DOCK3: variants seen among roughly 807,000 people sequenced by gnomAD.
DOCK3 encodes the protein dedicator of cytokinesis 3.
DOCK3 carries 60 observed loss-of-function variants against 265.6 expected under a neutral mutation model. That is an observed-to-expected ratio of 0.23 (90% CI 0.18 to 0.28). The LOEUF (loss-of-function observed/expected upper bound fraction) is 0.28, where lower values mean the gene tolerates loss of function less well. DOCK3 is among the 10% of genes least tolerant of loss of function. The pLI is 1.00. For synonymous variants in DOCK3, 881 were observed against 938.0 expected, an observed-to-expected ratio of 0.94 and a Z score of 1.11; for missense variants, 1,981 against 2,594.3, an observed-to-expected ratio of 0.76 and a Z score of 5.14.
intron 1 of DOCK3, among the ~76,000 whole-genome samples, chr3:50,694,131 G>A (rs934296198): frequency 3.9e-5 from 6 of 152,046 alleles, no homozygotes; most frequent in Admixed American, 6.5e-5. Context: ...TTAGCCAGGC[G>A]TGGTGGCGGG....
chr3:51,250,285 A>G (rs1162411175), intron 22 of DOCK3, among the ~76,000 whole-genome samples: 1 of 40,566 alleles, frequency 2.5e-5, no homozygotes, highest in African/African-American at 7.9e-5. Flanking sequence ...AAAAAAAAAA[A>G]ATTAAAAAAA....
intron 5 of DOCK3, among the ~76,000 whole-genome samples, chr3:51,003,592 C>A (rs113051136): frequency 6.8e-4 from 104 of 152,260 alleles, no homozygotes; most frequent in African/African-American, 2.5e-3. Context: ...TTAACATTTT[C>A]CATAGTGGAG....
chr3:51,043,425 A>G (rs1488127628), intron 5 of DOCK3, among the ~76,000 whole-genome samples: 2 of 152,336 alleles, frequency 1.3e-5, no homozygotes, highest in South Asian at 2.1e-4. Flanking sequence ...TACCATATTC[A>G]AAAATTAACT....
intron 21 of DOCK3, 45 bp from the exon 22 acceptor site, chr3:51,246,681 A>G: frequency 1.9e-6 from 3 of 1,564,664 alleles, no homozygotes; most frequent in Non-Finnish European, 2.6e-6. Flanking sequence ...AAGCTGCATT[A>G]CTTTTGAATT....
Position 51,098,120 on chromosome 3 carries a change from G to A in DOCK3, c.746+7736G>A, listed in dbSNP as rs571529778. ...TGCCCAGACTGGAGTGCAGTGATGC[G>A]ATCTCAGCTCACTGTAACATCCGCC... On this transcript the variant is annotated intron_variant, in intron 9 of 52. Transcript: ENST00000266037. Among the ~76,000 whole-genome samples the A allele has an allele frequency of 5.6e-4, 85 of 152,262 alleles. No homozygotes were observed. The South Asian group carries it at 1.0e-2, about 18-fold the overall frequency.
intron 5 of DOCK3, among the ~76,000 whole-genome samples, chr3:50,949,055 C>G (rs1262161664): frequency 6.6e-6 from 1 of 151,970 alleles, no homozygotes; most frequent in Non-Finnish European, 1.5e-5. Flanking sequence ...AAAAATGAAC[C>G]CTGTTCCTTA....
chr3:51,164,018 G>C lies in DOCK3; in HGVS notation c.1037+3316G>C, dbSNP rs138780597. ...AGGCACATTATTTTTACTCCCACCA[G>C]ATTGGCTTTAATGCATCATTCTTTG... On this transcript the variant is annotated intron_variant, in intron 12 of 52. Transcript: ENST00000266037. 8.3e-4 allele frequency among the ~76,000 whole-genome samples: 127 copies of C among 152,210 alleles called. 1 individual carries two copies. Among genetic ancestry groups the C allele is most frequent in the African/African-American group, 2.9e-3 (119 of 41,508 alleles).
intron 1 of DOCK3, among the ~76,000 whole-genome samples, chr3:50,763,860 A>G (rs1032844867): frequency 6.6e-6 from 1 of 152,138 alleles, no homozygotes; most frequent in African/African-American, 2.4e-5. Flanking sequence ...TTCTTTGCTC[A>G]GTTTTCAAAT....
At chr3:50,982,028 T>C (rs1464300326) in intron 5 of DOCK3, among the ~76,000 whole-genome samples, 1 of 152,060 alleles carries the variant, frequency 6.6e-6, no homozygotes, top group Non-Finnish European at 1.5e-5. Context: ...TTTGTATTTT[T>C]AGTAGAGATG....
At chr3:51,376,780 C>T (rs1031919913) in intron 51 of DOCK3, among the ~76,000 whole-genome samples, 8 of 152,252 alleles carry the variant, frequency 5.3e-5, no homozygotes, top group Admixed American at 4.6e-4. Context: ...CACTGTTATG[C>T]TCCGCCTTTG....
intron 9 of DOCK3, among the ~76,000 whole-genome samples, chr3:51,139,261 A>AG (rs61573234): frequency 1.3e-5 from 2 of 149,108 alleles, no homozygotes; most frequent in African/African-American, 5.0e-5. Context: ...CAGTGGGGGG[A>AG]GGGCTAAGAT....
At chr3:51,042,838 TCA>T (rs780679426) in intron 5 of DOCK3, among the ~76,000 whole-genome samples, 8 of 152,090 alleles carry the variant, frequency 5.3e-5, no homozygotes, top group African/African-American at 9.7e-5. Flanking sequence ...AAACTCTCCT[TCA>T]CAGTTGCCAT....
At chr3:50,842,070 A>G (rs1165771653) in intron 3 of DOCK3, among the ~76,000 whole-genome samples, 1 of 152,206 alleles carries the variant, frequency 6.6e-6, no homozygotes, top group African/African-American at 2.4e-5. Flanking sequence ...CACAATGGAA[A>G]ATATTTTCAA....
At chr3:50,681,806 C>G (rs1195783406) in intron 1 of DOCK3, among the ~76,000 whole-genome samples, 1 of 152,188 alleles carries the variant, frequency 6.6e-6, no homozygotes, top group East Asian at 1.9e-4. Context: ...TTCATGAGCT[C>G]TTGCTAATAA....
intron 17 of DOCK3, among the ~76,000 whole-genome samples, chr3:51,228,460 A>C (rs1355604098): frequency 3.3e-5 from 5 of 152,152 alleles, no homozygotes; most frequent in African/African-American, 9.7e-5. Flanking sequence ...TGGCAACCAC[A>C]TGCCCCACCA....
intron 5 of DOCK3, among the ~76,000 whole-genome samples, chr3:50,978,566 T>C (rs1195339440): frequency 6.6e-6 from 1 of 152,126 alleles, no homozygotes; most frequent in East Asian, 1.9e-4. Flanking sequence ...GACAGGGACA[T>C]TTAAGTCTGC....
At chr3:50,959,593 A>C (rs926537982) in intron 5 of DOCK3, among the ~76,000 whole-genome samples, 1 of 148,546 alleles carries the variant, frequency 6.7e-6, no homozygotes, top group Non-Finnish European at 1.5e-5. Context: ...TTATTTATTT[A>C]TTTTGAGATG....
chr3:50,863,420 G>T (rs1575390744), intron 3 of DOCK3: 1 of 519,860 alleles, frequency 1.9e-6, no homozygotes, highest in Non-Finnish European at 3.8e-6. Flanking sequence ...GGTTACAAGG[G>T]CAGAGGGTCT....
At chr3:50,968,514 A>G (rs561475973) in intron 5 of DOCK3, among the ~76,000 whole-genome samples, 2 of 149,746 alleles carry the variant, frequency 1.3e-5, no homozygotes, top group South Asian at 4.2e-4. Flanking sequence ...TTCTACCTTT[A>G]TCCTGCTTTT....
Sources: gnomAD v4.1 joint callset for allele counts (sites outside exome capture counted in the v4.1 genomes callset) on GRCh38, gnomAD v4.1.1 for gene constraint, MANE v1.5 for transcripts, NCBI Gene and HGNC (gene_info 2026-07-23, HGNC 2026-07-21) for gene names.